VAX1: variants seen among roughly 807,000 people sequenced by gnomAD.
VAX1 encodes the protein ventral anterior homeobox 1.
A neutral mutation model predicts 17.6 loss-of-function variants in VAX1; 6 were observed. The observed-to-expected ratio is 0.34, with a 90% CI of 0.19 to 0.67. VAX1 has a LOEUF of 0.67. Among genes scored for constraint, VAX1 ranks in the 30% least tolerant of loss-of-function variants. The pLI is 0.69. For synonymous variants in VAX1, 256 were observed against 227.4 expected, an observed-to-expected ratio of 1.13 and a Z score of -1.13; for missense variants, 408 against 463.7, an observed-to-expected ratio of 0.88 and a Z score of 1.10.
chr10:117,132,599 A>G, downstream of VAX1: 1 of 1,149,120 alleles, frequency 8.7e-7, no homozygotes, highest in Non-Finnish European at 1.2e-6. This position sits in a 1 kb window ranked among gnomAD's most constrained non-coding sequence, Gnocchi z 4.9. Flanking sequence ...CATTCTAGAC[A>G]CTGCGGCACC....
rs1013780543 is a variant in VAX1 at position 117,133,614 on chromosome 10, G to C, written c.*394C>G. On this transcript the variant is annotated 3_prime_UTR_variant, in exon 3 of 3. Coordinates refer to ENST00000369206, the MANE Select transcript of VAX1 (RefSeq NM_001112704.2). ...GTTTTCCTCTTTCAAATATTCCTAGGAATAGTCGGCAGCGGCAGCAGCCGC... is the reference window on the plus strand; with the variant it reads ...GTTTTCCTCTTTCAAATATTCCTAGCAATAGTCGGCAGCGGCAGCAGCCGC... 5.3e-5 allele frequency: 53 copies of C among 991,336 alleles called. No homozygotes were observed. The highest frequency in any genetic ancestry group is 6.4e-5 in the Non-Finnish European group (53 of 834,156). The allele number at this position is 991,336 out of a possible 1,614,324, so 61.4% of individuals were successfully genotyped here.
At chr10:117,132,574 T>C, downstream of VAX1, 4 of 1,380,938 alleles carry the variant, frequency 2.9e-6, no homozygotes, top group Non-Finnish European at 4.0e-6. The surrounding 1 kb of genome is among the most constrained non-coding windows in gnomAD (Gnocchi z 4.9). Context: ...TTCGCTTGCT[T>C]CAGATGGATG....
Position 117,133,988 on chromosome 10 carries a change from A to G in VAX1, c.*20T>C. ...ACCACAATAGATACTATAAATATAA[A>G]TACAGGGAAACACTTAAAATCAGTC... On this transcript the variant is annotated 3_prime_UTR_variant, in exon 3 of 3. Coordinates refer to ENST00000369206, the MANE Select transcript of VAX1 (RefSeq NM_001112704.2). 6.7e-7 allele frequency: 1 copy of G among 1,501,920 alleles called. No homozygotes were observed. Among genetic ancestry groups the G allele is most frequent in the Non-Finnish European group, 8.9e-7 (1 of 1,127,944 alleles). 93.0% of individuals were successfully genotyped at this position (1,501,920 alleles called of 1,614,324 possible). A position where few individuals can be genotyped will look rare whatever the true frequency, so the allele number is the denominator to read the frequency against.
At chr10:117,130,629 G>A (rs148741605), downstream of VAX1, 19 of 152,296 alleles carry the variant, frequency 1.2e-4, no homozygotes, top group East Asian at 3.3e-3. Flanking sequence ...GAAGCCTCCA[G>A]GGACCAAGGC....
Position 117,138,029 on chromosome 10 carries a change from C to A in VAX1, c.28G>T (p.Val10Phe), listed in dbSNP as rs1854218381. 2 of 1,595,528 alleles carry A rather than the reference C, an allele frequency of 1.3e-6. No homozygotes were observed. MFGKPDKMD[V>F]RCHSDAEAAR... ...GCCTCGGCGTCCGAGTGGCATCGAA[C>A]GTCCATTTTGTCTGGTTTCCCGAAC... Residue 10 changes from valine (V) to phenylalanine (F), a missense_variant, in exon 1 of 3, where the codon GTT becomes TTT. By Grantham distance (50) the Val-to-Phe change is conservative (BLOSUM62 -1). This residue lies in a region of VAX1 where 133 missense variants were observed against 112.0 expected (regional missense o/e 1.19). Coordinates refer to ENST00000369206, the MANE Select transcript of VAX1 (RefSeq NM_001112704.2).
Position 117,133,761 on chromosome 10 carries a change from T to G in VAX1, c.*247A>C. Reference sequence around the variant, plus strand: ...TAACTCGGGCATTTTTCCCAATTCTTTGGATCGCTCCTGGATTCAGAAGGA... The same window carrying G: ...TAACTCGGGCATTTTTCCCAATTCTGTGGATCGCTCCTGGATTCAGAAGGA... On this transcript the variant is annotated 3_prime_UTR_variant, in exon 3 of 3. Transcript: ENST00000369206. 1 of 1,241,718 alleles carries G rather than the reference T, an allele frequency of 8.1e-7. No individual in the cohort carries two copies. The highest frequency in any genetic ancestry group is 1.0e-6 in the Non-Finnish European group (1 of 995,086). The allele number at this position is 1,241,718 out of a possible 1,614,324, so 76.9% of individuals were successfully genotyped here. A position where few individuals can be genotyped will look rare whatever the true frequency, so the allele number is the denominator to read the frequency against.
At chr10:117,135,108 C>T (rs1224903293) in intron 2 of VAX1, among the ~76,000 whole-genome samples, 1 of 152,134 alleles carries the variant, frequency 6.6e-6, no homozygotes, top group Non-Finnish European at 1.5e-5. Flanking sequence ...CCAATGCGCT[C>T]GGATTTAGTC....
At chr10:117,132,328 C>T (rs1854098429), downstream of VAX1, 4 of 1,612,272 alleles carry the variant, frequency 2.5e-6, no homozygotes, top group African/African-American at 1.3e-5. The surrounding 1 kb of genome is among the most constrained non-coding windows in gnomAD (Gnocchi z 4.9). Context: ...AAAAATACAC[C>T]TCATTTATCA....
Position 117,133,450 on chromosome 10 carries a change from T to G in VAX1, c.*558A>C. 1 of 985,388 alleles carries G rather than the reference T, an allele frequency of 1.0e-6. No individual in the cohort carries two copies. Among genetic ancestry groups the G allele is most frequent in the South Asian group, 4.7e-5 (1 of 21,278 alleles). 61.0% of individuals were successfully genotyped at this position (985,388 alleles called of 1,614,324 possible). A position where few individuals can be genotyped will look rare whatever the true frequency, so the allele number is the denominator to read the frequency against. The stretch of plus-strand genomic sequence containing the variant: ...GCAGGATTTGCCCGCCAGGAAGCTG[T>G]GTTGTGTACCGACTATCCCGAGAGG... On this transcript the variant is annotated 3_prime_UTR_variant, in exon 3 of 3. Coordinates refer to ENST00000369206, the MANE Select transcript of VAX1 (RefSeq NM_001112704.2).
rs1041695694 is a variant in VAX1, at chr10:117,137,730, C to T, written c.241+86G>A. On this transcript the variant is annotated intron_variant, in intron 1 of 2. Transcript: ENST00000369206. This position sits in a 1 kb window ranked among gnomAD's most constrained non-coding sequence, Gnocchi z 7.4. ...CCCAAGTCCCAGCCGGCACTCCTTC[C>T]CACCGGCCTGTGTCGGCGGCAGCGC... The T allele has an allele frequency of 5.8e-5, 93 of 1,599,172 alleles. No homozygotes were observed. The highest frequency in any genetic ancestry group is 7.8e-5 in the Non-Finnish European group (92 of 1,178,932).
Position 117,133,933 on chromosome 10 carries a change from G to T in VAX1, c.*75C>A. 3 of 1,441,922 alleles carry T rather than the reference G, an allele frequency of 2.1e-6. No homozygotes were observed. The highest frequency in any genetic ancestry group is 1.8e-6 in the Non-Finnish European group (2 of 1,104,926). 89.3% of individuals were successfully genotyped at this position (1,441,922 alleles called of 1,614,324 possible). A position where few individuals can be genotyped will look rare whatever the true frequency, so the allele number is the denominator to read the frequency against. ...CAGGAGCCCAGCGCAGGAGCTCTGG[G>T]CACCTAATGCGCGTGAGTCCATAAA... On this transcript the variant is annotated 3_prime_UTR_variant, in exon 3 of 3. Coordinates refer to ENST00000369206, the MANE Select transcript of VAX1 (RefSeq NM_001112704.2).
rs1854117756 is a variant in VAX1, at chr10:117,133,493, A to G, written c.*515T>C. On this transcript the variant is annotated 3_prime_UTR_variant, in exon 3 of 3. Coordinates refer to ENST00000369206, the MANE Select transcript of VAX1 (RefSeq NM_001112704.2). ...CCGAGAGGTCCGCAAAGCGGGGCCC[A>G]GGGGCTCCCACAAGCCCTGGTTTCC... 2.0e-6 allele frequency: 2 copies of G among 985,488 alleles called. No homozygotes were observed. Among genetic ancestry groups the G allele is most frequent in the Non-Finnish European group, 2.4e-6 (2 of 830,074 alleles). 61.0% of individuals were successfully genotyped at this position (985,488 alleles called of 1,614,324 possible).
rs1854222665 is a variant in VAX1, at chr10:117,138,111, G to GC, written c.-56_-55insG. The GC allele has an allele frequency of 1.1e-5, 1 of 89,324 alleles. No individual in the cohort carries two copies. The highest frequency in any genetic ancestry group is 5.2e-5 in the South Asian group (1 of 19,114). The allele number at this position is 89,324 out of a possible 1,614,324, so 5.5% of individuals were successfully genotyped here. A position where few individuals can be genotyped will look rare whatever the true frequency, so the allele number is the denominator to read the frequency against. On this transcript the variant is annotated 5_prime_UTR_variant, in exon 1 of 3. Coordinates refer to ENST00000369206, the MANE Select transcript of VAX1 (RefSeq NM_001112704.2). ...AAAAAAAAAGCAAAAAAAAAAAAAA[G>GC]GGGGGGGGGCGGAGAAGGAAAAAAA...
rs1035610069 is a variant in VAX1 at position 117,133,411 on chromosome 10, A to G, written c.*597T>C. 1.0e-6 allele frequency: 1 copy of G among 985,448 alleles called. No homozygotes were observed. The highest frequency in any genetic ancestry group is 1.2e-6 in the Non-Finnish European group (1 of 830,026). The allele number at this position is 985,448 out of a possible 1,614,324, so 61.0% of individuals were successfully genotyped here. On this transcript the variant is annotated 3_prime_UTR_variant, in exon 3 of 3. Coordinates refer to ENST00000369206, the MANE Select transcript of VAX1 (RefSeq NM_001112704.2). ...GTGGTTGTGATTGGAGTTGCCCTAA[A>G]GGGGAGAAAAACCGCAGGATTTGCC...
downstream of VAX1, chr10:117,129,647 G>GAT: frequency 6.8e-6 from 1 of 146,568 alleles, no homozygotes; most frequent in African/African-American, 2.5e-5. Flanking sequence ...TTCAAGAAGG[G>GAT]GTGTGTGTGT....
In VAX1 at chr10:117,136,727, A is replaced by G; in HGVS notation, c.242-68T>C. 6.5e-7 allele frequency: 1 copy of G among 1,537,218 alleles called. No homozygotes were observed. The highest frequency in any genetic ancestry group is 2.3e-5 in the East Asian group (1 of 43,808). ...CCTCCACCTCCTTGGCCCGAGCTGGATTTGGGGACACAGTCCCCAGAAGCG... is the reference window on the plus strand; with the variant it reads ...CCTCCACCTCCTTGGCCCGAGCTGGGTTTGGGGACACAGTCCCCAGAAGCG... On this transcript the variant is annotated intron_variant, in intron 1 of 2. Transcript: ENST00000369206. The surrounding 1 kb of genome is among the most constrained non-coding windows in gnomAD (Gnocchi z 5.0).
Position 117,136,113 on chromosome 10 carries a change from TG to T in VAX1, c.429+358del, listed in dbSNP as rs1490769474. 6.6e-6 allele frequency among the ~76,000 whole-genome samples: 1 copy of T among 152,154 alleles called. No individual in the cohort carries two copies. The highest frequency in any genetic ancestry group is 2.4e-5 in the African/African-American group (1 of 41,442). Reference sequence around the variant, plus strand: ...GTGGGGCCTAGAAATCTAGCCAAAATGGGGTACCCCAAACAAGGGCAAAAGT... The same window carrying T: ...GTGGGGCCTAGAAATCTAGCCAAAATGGGTACCCCAAACAAGGGCAAAAGT... On this transcript the variant is annotated intron_variant, in intron 2 of 2. Transcript: ENST00000369206. The surrounding 1 kb of genome is among the most constrained non-coding windows in gnomAD (Gnocchi z 5.0).
chr10:117,138,053 A>G lies in VAX1; in HGVS notation c.4T>C (p.Phe2Leu). The G allele has an allele frequency of 2.8e-6, 4 of 1,408,034 alleles. No individual in the cohort carries two copies. Among genetic ancestry groups the G allele is most frequent in the Non-Finnish European group, 1.9e-6 (2 of 1,051,120 alleles). The allele number at this position is 1,408,034 out of a possible 1,614,324, so 87.2% of individuals were successfully genotyped here. M[F>L]GKPDKMDVRC... ...ACGTCCATTTTGTCTGGTTTCCCGA[A>G]CATAGGCAAGAACAACAACAAAAAC... Residue 2 changes from phenylalanine to leucine, a missense_variant, in exon 1 of 3, where the codon TTC becomes CTC. Physicochemically the swap from Phe to Leu is conservative, Grantham distance 22 (BLOSUM62 0). Transcript: ENST00000369206.
chr10:117,137,314 C>T lies in VAX1; in HGVS notation c.241+502G>A, dbSNP rs541261611. 6.6e-6 allele frequency among the ~76,000 whole-genome samples: 1 copy of T among 151,926 alleles called. No individual in the cohort carries two copies. The highest frequency in any genetic ancestry group is 1.5e-5 in the Non-Finnish European group (1 of 67,934). On this transcript the variant is annotated intron_variant, in intron 1 of 2. Coordinates refer to ENST00000369206, the MANE Select transcript of VAX1 (RefSeq NM_001112704.2). The surrounding 1 kb of genome is among the most constrained non-coding windows in gnomAD (Gnocchi z 7.4). ...GCCCAGCTGCCTCTCCCGGCGGCAG[C>T]GGTCGGGCACCGATCGCGGCCGTGG...
Sources: gnomAD v4.1 joint callset for allele counts (sites outside exome capture counted in the v4.1 genomes callset) on GRCh38, gnomAD v4.1.1 for gene constraint, gnomAD v4.1.1 regional missense constraint, Gnocchi (gnomAD v3.1) non-coding constraint, MANE v1.5 for transcripts, NCBI Gene and HGNC (gene_info 2026-07-23, HGNC 2026-07-21) for gene names.